DNAAF4: variants seen among roughly 807,000 people sequenced by gnomAD.
DNAAF4 encodes the protein dynein axonemal assembly factor 4, also known as dynein assembly factor 4, axonemal.
In DNAAF4, 43 loss-of-function variants were observed where a neutral mutation model predicts 51.8. The observed-to-expected ratio is 0.83, with a 90% CI of 0.65 to 1.07. DNAAF4 has a LOEUF of 1.07. Among genes scored for constraint, DNAAF4 ranks in the 50% least tolerant of loss-of-function variants. DNAAF4 has a pLI of 0.00. For missense variants in DNAAF4, 581 were observed against 493.0 expected (o/e 1.18, Z -1.69); for synonymous variants, 194 against 165.6 (o/e 1.17, Z -1.32).
intron 6 of DNAAF4, among the ~76,000 whole-genome samples, chr15:55,447,686 G>A (rs534906304): frequency 7.3e-5 from 11 of 149,720 alleles, no homozygotes; most frequent in South Asian, 2.2e-4. Flanking sequence ...GCCGAGGCAG[G>A]AGAATGACAG....
intron 4 of DNAAF4, among the ~76,000 whole-genome samples, chr15:55,475,181 T>C (rs2058319985): frequency 6.6e-6 from 1 of 152,182 alleles, no homozygotes; most frequent in Non-Finnish European, 1.5e-5. Flanking sequence ...AGAGGACTTC[T>C]TAGGAAACTT....
chr15:55,472,547 G>A (rs912509029), intron 4 of DNAAF4, among the ~76,000 whole-genome samples: 2 of 152,008 alleles, frequency 1.3e-5, no homozygotes, highest in Non-Finnish European at 2.9e-5. Flanking sequence ...GAATCTCGGA[G>A]GCAGAGGTTA....
rs3221985 is a variant in DNAAF4, at chr15:55,463,172, T to TCACACACACA, written c.637+3748_637+3757dup. 9.3e-3 allele frequency among the ~76,000 whole-genome samples: 1,299 copies of TCACACACACA among 140,304 alleles called. 17 individuals carry two copies. Among genetic ancestry groups the TCACACACACA allele is most frequent in the African/African-American group, 0.03 (1,096 of 36,350 alleles). The allele number at this position is 140,304 out of a possible 152,430, so 92.0% of individuals were successfully genotyped here. On this transcript the variant is annotated intron_variant, in intron 5 of 9. Coordinates refer to ENST00000321149, the MANE Select transcript of DNAAF4 (RefSeq NM_130810.4). ...CTAAGGAACACAGTGAGACTCTGTC[T>TCACACACACA]CACACACACACACACACACACACAC...
At chr15:55,495,890 C>T (rs1202873411) in intron 3 of DNAAF4, among the ~76,000 whole-genome samples, 45 of 152,148 alleles carry the variant, frequency 3.0e-4, no homozygotes, top group Admixed American at 2.9e-3. Flanking sequence ...GTACAAAGCA[C>T]TGACAACTAG....
At chr15:55,500,307 T>G (rs1398621858) in intron 1 of DNAAF4, among the ~76,000 whole-genome samples, 1 of 152,198 alleles carries the variant, frequency 6.6e-6, no homozygotes, top group African/African-American at 2.4e-5. Context: ...GGAGTCATCC[T>G]AGACTTGCTT....
rs780049335 is a variant in DNAAF4, at chr15:55,450,251, G to A, written c.754C>T (p.Arg252Cys). The A allele has an allele frequency of 5.0e-6, 8 of 1,612,976 alleles. No individual in the cohort carries two copies. The highest frequency in any genetic ancestry group is 2.7e-5 in the African/African-American group (2 of 74,868). ...TCCTCTTCTGCTACTTGTGATTCAC[G>A]AAGAGCTGTTGGGAATACTCGAGGG... ...FTPRVFPTAL[R>C]ESQVAEEEEW... The change falls in exon 6 of 10, where the codon CGT (arginine) becomes TGT (cysteine). Residue 252 changes from arginine to cysteine, a missense_variant. Physicochemically the swap from Arg to Cys is radical, Grantham distance 180 (BLOSUM62 -3). Transcript: ENST00000321149.
rs188863318 is a variant in DNAAF4, at chr15:55,436,216, T to C, written c.894-1158A>G. Among the ~76,000 whole-genome samples, 558 of 152,336 alleles carry C rather than the reference T, an allele frequency of 3.7e-3. 6 individuals carry two copies. Among genetic ancestry groups the C allele is most frequent in the Non-Finnish European group, 2.5e-3 (170 of 68,034 alleles). ...ACTAACACTTGTTATTTTCTGTTTT[T>C]TTTCTGAGTAGCCATCCTAATGGGT... On this transcript the variant is annotated intron_variant, in intron 7 of 9. Transcript: ENST00000321149.
At chr15:55,472,338 C>A (rs775787692) in intron 4 of DNAAF4, among the ~76,000 whole-genome samples, 3 of 152,026 alleles carry the variant, frequency 2.0e-5, no homozygotes, top group Non-Finnish European at 4.4e-5. Context: ...GACTGGAGGC[C>A]CGGGGGCAGT....
chr15:55,418,660 A>G, intron 7 of DNAAF4: 1 of 911,118 alleles, frequency 1.1e-6, no homozygotes, highest in Non-Finnish European at 1.6e-6. Flanking sequence ...AAGAAGATAA[A>G]AAGTTTTGAA....
At chr15:55,468,768 G>A (rs575716662) in intron 4 of DNAAF4, among the ~76,000 whole-genome samples, 1 of 152,268 alleles carries the variant, frequency 6.6e-6, no homozygotes, top group South Asian at 2.1e-4. Context: ...AAATGAGACT[G>A]TTCTTACAAC....
At position 55,498,424 on chromosome 15, in the gene DNAAF4, G is replaced by A. The variant is rs1187535593; in HGVS notation, c.-95C>T. The A allele has an allele frequency of 4.6e-6, 7 of 1,506,152 alleles. No homozygotes were observed. The highest frequency in any genetic ancestry group is 5.3e-6 in the Non-Finnish European group (6 of 1,130,132). 93.3% of individuals were successfully genotyped at this position (1,506,152 alleles called of 1,614,324 possible). ...GGGTTACCATGCGCCAGCCCTTCCG[G>A]GTCAGGCCGGCCGGGAGCCCGGCGT... On this transcript the variant is annotated 5_prime_UTR_variant, in exon 2 of 10. Coordinates refer to ENST00000321149, the MANE Select transcript of DNAAF4 (RefSeq NM_130810.4).
At chr15:55,458,524 T>A (rs2058051669) in intron 5 of DNAAF4, among the ~76,000 whole-genome samples, 1 of 152,028 alleles carries the variant, frequency 6.6e-6, no homozygotes, top group Non-Finnish European at 1.5e-5. Context: ...GAACAAAGCC[T>A]CCAAGAAATC....
chr15:55,436,487 G>A (rs1251724652), intron 7 of DNAAF4, among the ~76,000 whole-genome samples: 1 of 151,746 alleles, frequency 6.6e-6, no homozygotes, highest in African/African-American at 2.4e-5. Flanking sequence ...AGGTTTAAGT[G>A]ATTCTCATGC....
intron 1 of DNAAF4, among the ~76,000 whole-genome samples, chr15:55,503,221 C>T (rs985841791): frequency 1.3e-5 from 2 of 152,120 alleles, no homozygotes; most frequent in African/African-American, 4.8e-5. Flanking sequence ...CAAAACTAAA[C>T]CAGGAAGAAT....
At chr15:55,452,244 TAAAAAAAAAA>T (rs57692277) in intron 5 of DNAAF4, among the ~76,000 whole-genome samples, 1 of 53,598 alleles carries the variant, frequency 1.9e-5, no homozygotes, top group Non-Finnish European at 3.0e-5. Flanking sequence ...CATGTCTCAC[TAAAAAAAAAA>T]AAAAAAAAAA....
chr15:55,483,479 A>G (rs939631088), intron 4 of DNAAF4, among the ~76,000 whole-genome samples: 9 of 152,268 alleles, frequency 5.9e-5, no homozygotes, highest in African/African-American at 2.2e-4. Flanking sequence ...CTAAGAAACA[A>G]TGAATTCTAC....
At position 55,432,491 on chromosome 15, in the gene DNAAF4, C is replaced by A; in HGVS notation, c.1153+6G>T. 6.2e-7 allele frequency: 1 copy of A among 1,606,242 alleles called. No homozygotes were observed. Among genetic ancestry groups the A allele is most frequent in the Non-Finnish European group, 8.5e-7 (1 of 1,175,274 alleles). On this transcript the variant is annotated splice_donor_region_variant and intron_variant, in intron 9 of 9. Transcript: ENST00000321149. Reference sequence around the variant, plus strand: ...GGGACTTAAACCATTTCTATCAATTCCTTACCTTCTACATACAATTCTAGT... The same window carrying A: ...GGGACTTAAACCATTTCTATCAATTACTTACCTTCTACATACAATTCTAGT...
chr15:55,508,045 G>A (rs1186217342), intron 1 of DNAAF4, 77 bp downstream of exon 1: 1 of 152,034 alleles, frequency 6.6e-6, no homozygotes, highest in African/African-American at 2.4e-5. Context: ...CAGCCTACCA[G>A]ATAATTTTGA....
At position 55,467,149 on chromosome 15, in the gene DNAAF4, C is replaced by A. The variant is rs752788208; in HGVS notation, c.418G>T (p.Glu140Ter). 1 of 1,538,118 alleles carries A rather than the reference C, an allele frequency of 6.5e-7. No homozygotes were observed. Among genetic ancestry groups the A allele is most frequent in the Non-Finnish European group, 8.7e-7 (1 of 1,144,854 alleles). Residue 140 changes from glutamate to a stop codon, truncating the protein, a stop_gained, in exon 5 of 10, where the codon GAG becomes TAG. Coordinates refer to ENST00000321149, the MANE Select transcript of DNAAF4 (RefSeq NM_130810.4). LOFTEE classifies it high-confidence loss of function. The part of the protein sequence containing the change: ...LSVMMKIEEE[E>*]RKKIEDMKEN... ...TTCATATCTTCTATTTTTTTCCTCT[C>A]TTCTTCTTCAATCTATAACAATTGC... is the stretch of plus-strand genomic sequence containing the variant.
Sources: allele counts gnomAD v4.1 joint callset (sites outside exome capture counted in the v4.1 genomes callset), GRCh38; gene constraint gnomAD v4.1.1; transcripts MANE v1.5; gene names NCBI Gene and HGNC (gene_info 2026-07-23, HGNC 2026-07-21).